THSD7B: variants seen among roughly 807,000 people sequenced by gnomAD.
THSD7B encodes thrombospondin type 1 domain containing 7B, also known as thrombospondin type-1 domain-containing protein 7B.
Under a neutral mutation model 213.6 loss-of-function variants are expected in THSD7B, and 138 were observed. That is an observed-to-expected ratio of 0.65 (90% CI 0.56 to 0.74). The LOEUF is 0.74. Among genes scored for constraint, THSD7B ranks in the 30% least tolerant of loss-of-function variants. The pLI is 0.00. For missense variants in THSD7B, 1,931 were observed against 1,991.5 expected, an observed-to-expected ratio of 0.97 and a Z score of 0.58; for synonymous variants, 742 against 687.0, an observed-to-expected ratio of 1.08 and a Z score of -1.25.
intron 1 of THSD7B, among the ~76,000 whole-genome samples, chr2:136,855,819 A>C (rs1452544162): frequency 6.6e-6 from 1 of 151,740 alleles, no homozygotes; most frequent in African/African-American, 2.4e-5. Context: ...ATTATGATCC[A>C]ACTCCAAGGA....
intron 4 of THSD7B, among the ~76,000 whole-genome samples, chr2:137,112,980 C>A (rs1030972223): frequency 3.9e-5 from 6 of 152,192 alleles, no homozygotes; most frequent in African/African-American, 1.4e-4. Context: ...TGATTCAAAC[C>A]AAGTTGGTTG....
intron 15 of THSD7B, among the ~76,000 whole-genome samples, chr2:137,506,104 G>A (rs760986859): frequency 5.3e-5 from 8 of 152,162 alleles, no homozygotes; most frequent in Non-Finnish European, 1.0e-4. Context: ...GGGCGGCTGA[G>A]TGGGAGACAG....
At chr2:137,430,234 C>A (rs1048105365) in intron 14 of THSD7B, among the ~76,000 whole-genome samples, 1 of 152,038 alleles carries the variant, frequency 6.6e-6, no homozygotes, top group Non-Finnish European at 1.5e-5. Context: ...GGTGGCAGAG[C>A]AAGACCCTGA....
At chr2:137,372,186 G>GAA (rs1685547123) in intron 12 of THSD7B, among the ~76,000 whole-genome samples, 1 of 152,054 alleles carries the variant, frequency 6.6e-6, no homozygotes, top group South Asian at 2.1e-4. Context: ...GCCTAGAGGG[G>GAA]GAAGACCTGA....
chr2:136,983,350 G>GACACACACACACAC (rs1440218135), intron 2 of THSD7B, among the ~76,000 whole-genome samples: 8 of 53,126 alleles, frequency 1.5e-4, no homozygotes, highest in African/African-American at 3.1e-4. Flanking sequence ...CACACACACA[G>GACACACACACACAC]ACACACAGAC....
intron 12 of THSD7B, among the ~76,000 whole-genome samples, chr2:137,400,106 T>A (rs1686316084): frequency 6.6e-6 from 1 of 152,308 alleles, no homozygotes; most frequent in Admixed American, 6.5e-5. Context: ...ATTGATTTTC[T>A]AATTTTTTTG....
At chr2:137,424,793 C>T (rs1050988067) in intron 14 of THSD7B, among the ~76,000 whole-genome samples, 2 of 152,046 alleles carry the variant, frequency 1.3e-5, no homozygotes, top group South Asian at 2.1e-4. Context: ...AAAAATAGGC[C>T]GGGCACAGTG....
At chr2:136,967,802 A>C (rs1685344903) in intron 2 of THSD7B, among the ~76,000 whole-genome samples, 1 of 152,060 alleles carries the variant, frequency 6.6e-6, no homozygotes, top group Admixed American at 6.6e-5. Flanking sequence ...TTTTCTTTGG[A>C]GTTACCACTG....
intron 2 of THSD7B, among the ~76,000 whole-genome samples, chr2:137,005,747 C>T (rs16837816): frequency 0.018 from 2,742 of 152,150 alleles, 107 homozygotes; most frequent in African/African-American, 0.063. Flanking sequence ...ATAGCAGAAT[C>T]GTGTTGTATT....
intron 12 of THSD7B, among the ~76,000 whole-genome samples, chr2:137,365,510 T>C (rs2104942136): frequency 6.6e-6 from 1 of 152,162 alleles, no homozygotes; most frequent in East Asian, 1.9e-4. Flanking sequence ...AGGGCTAATA[T>C]CCAGAATCTA....
chr2:137,049,927 C>A (rs189758476), intron 2 of THSD7B, among the ~76,000 whole-genome samples: 8 of 152,290 alleles, frequency 5.3e-5, no homozygotes, highest in Admixed American at 4.6e-4. Flanking sequence ...TCTTCCCTTG[C>A]AGTCTTAGAA....
At chr2:137,642,398 A>G in intron 20 of THSD7B, 90 bp from the exon 21 acceptor site, 4 of 1,464,810 alleles carry the variant, frequency 2.7e-6, no homozygotes, top group Middle Eastern at 1.8e-4. Flanking sequence ...ATTAAAATGA[A>G]GACTTACATG....
At chr2:136,832,240 A>G (rs921786906) in intron 1 of THSD7B, among the ~76,000 whole-genome samples, 3 of 151,670 alleles carry the variant, frequency 2.0e-5, no homozygotes, top group Admixed American at 1.3e-4. Context: ...TGAGATACAT[A>G]TATCTCACAC....
intron 5 of THSD7B, among the ~76,000 whole-genome samples, chr2:137,140,179 A>G (rs1035018771): frequency 2.0e-5 from 3 of 152,264 alleles, no homozygotes; most frequent in Middle Eastern, 3.4e-3. Flanking sequence ...ACTGATATCT[A>G]GATGTACATG....
chr2:137,194,273 G>A (rs1490181506), intron 7 of THSD7B, among the ~76,000 whole-genome samples: 4 of 152,166 alleles, frequency 2.6e-5, no homozygotes, highest in African/African-American at 9.7e-5. Flanking sequence ...GGGGCGTGCT[G>A]TAGAAAAGAA....
chr2:136,843,047 A>C (rs780211355), intron 1 of THSD7B, among the ~76,000 whole-genome samples: 1 of 151,940 alleles, frequency 6.6e-6, no homozygotes, highest in Non-Finnish European at 1.5e-5. Flanking sequence ...GAATTTGAGC[A>C]AAATAACCAA....
chr2:136,889,069 A>G (rs1683771074), intron 2 of THSD7B, among the ~76,000 whole-genome samples: 1 of 152,040 alleles, frequency 6.6e-6, no homozygotes, highest in African/African-American at 2.4e-5. Flanking sequence ...TGAGGAGAGG[A>G]TATAAAATGA....
intron 20 of THSD7B, among the ~76,000 whole-genome samples, chr2:137,635,728 T>TC (rs1323452512): frequency 2.0e-5 from 3 of 152,056 alleles, no homozygotes; most frequent in African/African-American, 7.2e-5. Context: ...TTTCTTTTTT[T>TC]TTTTTTTAAA....
intron 15 of THSD7B, among the ~76,000 whole-genome samples, chr2:137,473,842 G>A (rs899198217): frequency 5.1e-4 from 77 of 152,308 alleles, no homozygotes; most frequent in African/African-American, 1.8e-3. Context: ...TGTCTCAAGT[G>A]CTCCTCAGGC....
Sources: allele counts gnomAD v4.1 joint callset (sites outside exome capture counted in the v4.1 genomes callset), GRCh38; gene constraint gnomAD v4.1.1; transcripts MANE v1.5; gene names NCBI Gene and HGNC (gene_info 2026-07-23, HGNC 2026-07-21).